DNAI3: variants seen among roughly 807,000 people sequenced by gnomAD.
The protein encoded by DNAI3 is WD repeat domain 63.
In DNAI3, 83 loss-of-function variants were observed where a neutral mutation model predicts 115.5. The observed-to-expected ratio is 0.72, with a 90% CI of 0.60 to 0.86. The LOEUF (loss-of-function observed/expected upper bound fraction) is 0.86. Among genes scored for constraint, DNAI3 ranks in the 40% least tolerant of loss-of-function variants. The pLI is 0.00. For synonymous variants in DNAI3, 320 were observed against 347.0 expected, an observed-to-expected ratio of 0.92 and a Z score of 0.86; for missense variants, 1,004 against 1,075.8, an observed-to-expected ratio of 0.93 and a Z score of 0.93.
At chr1:85,069,885 A>G (rs1032746352) in intron 1 of DNAI3, among the ~76,000 whole-genome samples, 4 of 152,220 alleles carry the variant, frequency 2.6e-5, no homozygotes, top group Non-Finnish European at 5.9e-5. Flanking sequence ...TTGACAGTCT[A>G]AAGAGTTGAG....
intron 15 of DNAI3, among the ~76,000 whole-genome samples, chr1:85,108,939 T>G (rs1655575554): frequency 6.6e-6 from 1 of 152,208 alleles, no homozygotes. Flanking sequence ...TGGTTGGTGC[T>G]CAAGTTAGTC....
chr1:85,084,033 T>C (rs1222268567), intron 5 of DNAI3, among the ~76,000 whole-genome samples: 1 of 151,568 alleles, frequency 6.6e-6, no homozygotes, highest in Non-Finnish European at 1.5e-5. Flanking sequence ...TAGGTCAAAT[T>C]TGTTCATTAT....
At chr1:85,094,702 C>A in intron 10 of DNAI3, 147 bp downstream of exon 10, 1 of 992,356 alleles carries the variant, frequency 1.0e-6, no homozygotes, top group Non-Finnish European at 1.4e-6. Context: ...CAGAACTTGT[C>A]ATCATTCAAT....
chr1:85,104,417 G>C (rs984404047), intron 13 of DNAI3, 107 bp from the exon 14 acceptor site: 23 of 950,586 alleles, frequency 2.4e-5, no homozygotes, highest in Non-Finnish European at 3.2e-5. Context: ...CACTGCCCCC[G>C]GCCGGTATGT....
intron 10 of DNAI3, 148 bp from the exon 11 acceptor site, chr1:85,095,783 C>A: frequency 2.8e-6 from 2 of 720,642 alleles, no homozygotes; most frequent in Non-Finnish European, 4.6e-6. Flanking sequence ...GCTTTTAGTC[C>A]AGAGGCAGAA....
intron 9 of DNAI3, chr1:85,094,168 T>C: frequency 2.1e-6 from 1 of 485,314 alleles, no homozygotes. Flanking sequence ...AAAACAAGAT[T>C]TTCTTTTCTT....
chr1:85,082,449 G>A (rs187603454), intron 5 of DNAI3, 45 bp downstream of exon 5: 1 of 1,516,118 alleles, frequency 6.6e-7, no homozygotes, highest in African/African-American at 1.4e-5. Flanking sequence ...TTTTGTTGTG[G>A]TTGTGGTTGT....
intron 13 of DNAI3, among the ~76,000 whole-genome samples, chr1:85,101,084 G>A (rs1655293588): frequency 6.6e-6 from 1 of 151,132 alleles, no homozygotes; most frequent in Non-Finnish European, 1.5e-5. Flanking sequence ...TAACAAACCT[G>A]CACATTGTGC....
At chr1:85,094,826 TTTAC>T (rs1655079448) in intron 10 of DNAI3, among the ~76,000 whole-genome samples, 2 of 152,244 alleles carry the variant, frequency 1.3e-5, no homozygotes, top group Admixed American at 1.3e-4. Context: ...TTTTATGGAC[TTTAC>T]TTGAATACTA....
At chr1:85,102,026 A>G (rs1300410912) in intron 13 of DNAI3, among the ~76,000 whole-genome samples, 3 of 152,104 alleles carry the variant, frequency 2.0e-5, no homozygotes, top group African/African-American at 7.2e-5. Context: ...GAAACCCCGT[A>G]TCTATGTAAA....
intron 1 of DNAI3, among the ~76,000 whole-genome samples, chr1:85,071,440 C>T (rs1654269792): frequency 6.6e-6 from 1 of 152,182 alleles, no homozygotes; most frequent in African/African-American, 2.4e-5. Context: ...TTTGTGTTCA[C>T]ATGCTGAGAT....
In DNAI3 at chr1:85,130,184, C is replaced by T. The variant is rs537174535; in HGVS notation, c.2532+72C>T. 4.8e-4 allele frequency: 760 copies of T among 1,582,752 alleles called. 5 individuals carry two copies. The highest frequency in any genetic ancestry group is 4.4e-3 in the Middle Eastern group (21 of 4,818). On this transcript the variant is annotated intron_variant, in intron 22 of 22. Transcript: ENST00000294664. The stretch of plus-strand genomic sequence containing the variant: ...GGAAATATATTTGTTTGGCTTAATC[C>T]ACAGTTTCCATAGAAAAGTTATACT...
chr1:85,104,654 G>A, intron 14 of DNAI3, 57 bp downstream of exon 14: 2 of 1,418,782 alleles, frequency 1.4e-6, no homozygotes, highest in Non-Finnish European at 2.0e-6. Flanking sequence ...TTTTTTCTTC[G>A]ATGCTCCTAA....
chr1:85,101,548 G>A (rs1006994801), intron 13 of DNAI3, among the ~76,000 whole-genome samples: 8 of 151,766 alleles, frequency 5.3e-5, no homozygotes, highest in Non-Finnish European at 1.2e-4. Context: ...CATGGTGAAA[G>A]CCCGTCTCTA....
At chr1:85,118,651 T>C (rs1483827836) in intron 17 of DNAI3, among the ~76,000 whole-genome samples, 1 of 152,158 alleles carries the variant, frequency 6.6e-6, no homozygotes, top group Non-Finnish European at 1.5e-5. Context: ...CTGGAGAACA[T>C]GACTGTGTCT....
chr1:85,080,098 C>G (rs1654588063), intron 3 of DNAI3, among the ~76,000 whole-genome samples: 1 of 121,428 alleles, frequency 8.2e-6, no homozygotes, highest in Non-Finnish European at 1.6e-5. Flanking sequence ...GTTGTCCAGG[C>G]TGGGGTGCAG....
At position 85,085,855 on chromosome 1, in the gene DNAI3, C is replaced by G. The variant is rs200486138; in HGVS notation, c.565C>G (p.Arg189Gly). The G allele has an allele frequency of 6.2e-7, 1 of 1,614,052 alleles. No homozygotes were observed. The highest frequency in any genetic ancestry group is 8.5e-7 in the Non-Finnish European group (1 of 1,179,994). The stretch of plus-strand genomic sequence containing the variant: ...GATTACATATATGATTTCTCGAAAA[C>G]GAAGTGAATTTGGTGCACCAATTAA... ...KQITYMISRK[R>G]SEFGAPIKFS... is the part of the protein sequence containing the mutation. Residue 189 changes from arginine to glycine, a missense_variant, in exon 7 of 23, where the codon CGA becomes GGA. By Grantham distance (125) the Arg-to-Gly change is moderately radical. Coordinates refer to ENST00000294664, the MANE Select transcript of DNAI3 (RefSeq NM_145172.5).
At chr1:85,131,393 G>A (rs1262020225) in intron 22 of DNAI3, among the ~76,000 whole-genome samples, 6 of 139,562 alleles carry the variant, frequency 4.3e-5, no homozygotes, top group South Asian at 2.3e-4. Context: ...ATGGTGAGCC[G>A]AGATTGTGCC....
At chr1:85,110,023 T>C (rs190526471) in intron 15 of DNAI3, 25 bp from the exon 16 acceptor site, 6 of 1,601,308 alleles carry the variant, frequency 3.7e-6, no homozygotes. Context: ...GTGGAAATAA[T>C]CTTTGCTATA....
Sources: gnomAD v4.1 joint callset for allele counts (sites outside exome capture counted in the v4.1 genomes callset) on GRCh38, gnomAD v4.1.1 for gene constraint, MANE v1.5 for transcripts, NCBI Gene and HGNC (gene_info 2026-07-23, HGNC 2026-07-21) for gene names.